The following DLGAP1 variants were observed in gnomAD, a reference collection of about 807,000 sequenced individuals.
The protein encoded by DLGAP1 is disks large-associated protein 1.
A neutral mutation model predicts 90.8 loss-of-function variants in DLGAP1; 11 were observed. The observed-to-expected ratio is 0.12, with a 90% CI of 0.08 to 0.20. The LOEUF (loss-of-function observed/expected upper bound fraction) is 0.20, where lower values mean the gene tolerates loss of function less well. Ranked by LOEUF, DLGAP1 falls within the 10% of genes least tolerant of loss-of-function variation. The probability of loss-of-function intolerance (pLI) is 1.00; values close to 1 mark genes in which losing one functional copy is unlikely to be tolerated. For synonymous variants in DLGAP1, 558 were observed against 540.7 expected (o/e 1.03, Z -0.44); for missense variants, 1,050 against 1,333.8 (o/e 0.79, Z 3.31).
At chr18:4,193,681 T>A (rs1598591866) in intron 1 of DLGAP1, among the ~76,000 whole-genome samples, 1 of 152,212 alleles carries the variant, frequency 6.6e-6, no homozygotes, top group East Asian at 1.9e-4. Flanking sequence ...AAATATGACT[T>A]CTGTTAGTGT....
chr18:4,379,721 G>A lies in DLGAP1; in HGVS notation c.-267+75285C>T, dbSNP rs541349868. On this transcript the variant is annotated intron_variant, in intron 1 of 12. Transcript: ENST00000315677. The stretch of plus-strand genomic sequence containing the variant: ...TTCTTCAATAGTTTCTATAATTGGA[G>A]CACTCCAGTAGGCATTCCAGAAATA... Among the ~76,000 whole-genome samples the A allele has an allele frequency of 5.3e-5, 8 of 152,244 alleles. No individual in the cohort carries two copies. The South Asian group carries it at 1.7e-3, about 32-fold the overall frequency.
intron 2 of DLGAP1, among the ~76,000 whole-genome samples, chr18:4,011,838 G>GACAACA (rs1286624110): frequency 6.6e-6 from 1 of 151,234 alleles, no homozygotes; most frequent in African/African-American, 2.4e-5. Context: ...TGTCTCAAAC[G>GACAACA]ACAACAACAA....
At chr18:3,854,012 C>T (rs1211464392) in intron 4 of DLGAP1, among the ~76,000 whole-genome samples, 3 of 152,066 alleles carry the variant, frequency 2.0e-5, no homozygotes, top group Non-Finnish European at 2.9e-5. Context: ...CACAAACTTG[C>T]TAACAGTGAT....
chr18:4,112,528 T>G (rs1442939215), intron 2 of DLGAP1, among the ~76,000 whole-genome samples: 1 of 152,178 alleles, frequency 6.6e-6, no homozygotes, highest in Admixed American at 6.5e-5. Context: ...CATTTATTAT[T>G]GTTGAATTAT....
intron 3 of DLGAP1, among the ~76,000 whole-genome samples, chr18:3,944,177 C>T (rs2072830159): frequency 6.6e-6 from 1 of 152,140 alleles, no homozygotes; most frequent in African/African-American, 2.4e-5. Flanking sequence ...ATCTTTCTAG[C>T]TCAGTACTCC....
Position 3,534,693 on chromosome 18 carries a change from T to C in DLGAP1, c.2058-78A>G, listed in dbSNP as rs1212060498. On this transcript the variant is annotated intron_variant, in intron 9 of 12. Coordinates refer to ENST00000315677, the MANE Select transcript of DLGAP1 (RefSeq NM_004746.4). ...TCCTTCCTTCCTTCCTTCCTTTCTT[T>C]CTTTTTTTTTTTTTTTTGACAGAGT... 1.4e-5 allele frequency: 17 copies of C among 1,191,438 alleles called. No homozygotes were observed. The African/African-American group carries it at 2.4e-4, about 17-fold the overall frequency. 73.8% of individuals were successfully genotyped at this position (1,191,438 alleles called of 1,614,324 possible). A position where few individuals can be genotyped will look rare whatever the true frequency, so the allele number is the denominator to read the frequency against.
At chr18:4,199,826 T>G (rs2077574606) in intron 1 of DLGAP1, among the ~76,000 whole-genome samples, 1 of 152,208 alleles carries the variant, frequency 6.6e-6, no homozygotes, top group African/African-American at 2.4e-5. Flanking sequence ...GGTCTCCTTA[T>G]GGTTGAAAAC....
intron 3 of DLGAP1, among the ~76,000 whole-genome samples, chr18:3,952,735 A>G (rs11874084): frequency 0.16 from 24,741 of 152,256 alleles, 2,148 homozygotes; most frequent in Middle Eastern, 0.22. Context: ...ATTGAATGAA[A>G]TAAGTGTATG....
At chr18:3,756,705 T>C (rs1467483716) in intron 5 of DLGAP1, among the ~76,000 whole-genome samples, 2 of 151,712 alleles carry the variant, frequency 1.3e-5, no homozygotes, top group Non-Finnish European at 2.9e-5. Context: ...AAATCAATAC[T>C]TTAGCAAGAT....
At chr18:3,580,922 C>T (rs889847008) in intron 8 of DLGAP1, among the ~76,000 whole-genome samples, 1 of 152,132 alleles carries the variant, frequency 6.6e-6, no homozygotes, top group Non-Finnish European at 1.5e-5. Flanking sequence ...ATCCCCCAGC[C>T]CCAGGAAATG....
intron 1 of DLGAP1, among the ~76,000 whole-genome samples, chr18:4,237,185 G>C (rs951603452): frequency 1.3e-5 from 2 of 152,158 alleles, no homozygotes; most frequent in African/African-American, 4.8e-5. Context: ...GCTATCTGAA[G>C]CTTCGGTCCT....
At chr18:3,666,164 C>G (rs912344463) in intron 7 of DLGAP1, among the ~76,000 whole-genome samples, 1 of 152,108 alleles carries the variant, frequency 6.6e-6, no homozygotes, top group African/African-American at 2.4e-5. Flanking sequence ...CCTTCCTACG[C>G]AGAAAGACCC....
At chr18:4,329,236 T>C (rs1443165852) in intron 1 of DLGAP1, among the ~76,000 whole-genome samples, 1 of 152,032 alleles carries the variant, frequency 6.6e-6, no homozygotes, top group Admixed American at 6.6e-5. Context: ...GGATTTCCAA[T>C]TGTTCCAGCA....
chr18:3,827,289 C>T (rs1047796928), intron 4 of DLGAP1, among the ~76,000 whole-genome samples: 1 of 152,162 alleles, frequency 6.6e-6, no homozygotes, highest in South Asian at 2.1e-4. Flanking sequence ...GTCCACTCAG[C>T]ATTGCTCCAC....
chr18:3,780,997 C>T (rs1283190492), intron 5 of DLGAP1, among the ~76,000 whole-genome samples: 1 of 151,928 alleles, frequency 6.6e-6, no homozygotes, highest in African/African-American at 2.4e-5. Context: ...TTTTTAAAAA[C>T]GTTTTTTGTA....
At chr18:4,300,533 A>T (rs549367213) in intron 1 of DLGAP1, among the ~76,000 whole-genome samples, 24 of 152,160 alleles carry the variant, frequency 1.6e-4, no homozygotes, top group African/African-American at 5.3e-4. Context: ...TACTCTAGAA[A>T]TTTTTTTATA....
chr18:3,970,090 G>A (rs2073413710), intron 3 of DLGAP1, among the ~76,000 whole-genome samples: 2 of 152,248 alleles, frequency 1.3e-5, no homozygotes, highest in Middle Eastern at 3.4e-3. Flanking sequence ...GTTTTCCAGA[G>A]CAACATGAAG....
At chr18:4,290,927 C>A (rs997220247) in intron 1 of DLGAP1, among the ~76,000 whole-genome samples, 1 of 152,056 alleles carries the variant, frequency 6.6e-6, no homozygotes, top group Non-Finnish European at 1.5e-5. Flanking sequence ...TTTGATAGTT[C>A]TTATTTGTGT....
At chr18:3,838,814 G>A (rs2068545575) in intron 4 of DLGAP1, among the ~76,000 whole-genome samples, 1 of 152,082 alleles carries the variant, frequency 6.6e-6, no homozygotes, top group Non-Finnish European at 1.5e-5. Flanking sequence ...TTCCTCAAAT[G>A]TGCAATACAC....
Sources: gnomAD v4.1 joint callset for allele counts (sites outside exome capture counted in the v4.1 genomes callset) on GRCh38, gnomAD v4.1.1 for gene constraint, MANE v1.5 for transcripts, NCBI Gene and HGNC (gene_info 2026-07-23, HGNC 2026-07-21) for gene names.